Variants in TTC7B observed in about 807,000 individuals in gnomAD.
TTC7B encodes the protein tetratricopeptide repeat domain 7B.
A neutral mutation model predicts 106.8 loss-of-function variants in TTC7B; 28 were observed. The ratio of observed to expected loss-of-function variants is 0.26; its 90% CI spans 0.19 to 0.36. The LOEUF (loss-of-function observed/expected upper bound fraction) is 0.36, where lower values mean the gene tolerates loss of function less well. TTC7B is among the 10% of genes least tolerant of loss of function. The probability of loss-of-function intolerance (pLI) is 1.00; values close to 1 mark genes in which losing one functional copy is unlikely to be tolerated. For missense variants in TTC7B, 862 were observed against 1,076.4 expected (o/e 0.80, Z 2.79); for synonymous variants, 405 against 430.6 (o/e 0.94, Z 0.74).
In TTC7B at chr14:90,541,059, A is replaced by G; in HGVS notation, c.*309T>C. On this transcript the variant is annotated 3_prime_UTR_variant, in exon 20 of 20. Transcript: ENST00000328459. ...TTTAACTTTGAATATATTCTTCTAC[A>G]TTTGCTGATTAATTCCATAATCATT... 2.9e-6 allele frequency: 1 copy of G among 346,372 alleles called. No homozygotes were observed. 21.5% of individuals were successfully genotyped at this position (346,372 alleles called of 1,614,324 possible). A position where few individuals can be genotyped will look rare whatever the true frequency, so the allele number is the denominator to read the frequency against.
chr14:90,734,668 G>T (rs1172010783), intron 4 of TTC7B, among the ~76,000 whole-genome samples: 1 of 152,078 alleles, frequency 6.6e-6, no homozygotes, highest in Non-Finnish European at 1.5e-5. Flanking sequence ...TCCCACACTG[G>T]CCCAAGGCCT....
Position 90,816,155 on chromosome 14 carries a change from C to T in TTC7B, c.121+20G>A. On this transcript the variant is annotated intron_variant, in intron 1 of 19. Coordinates refer to ENST00000328459, the MANE Select transcript of TTC7B (RefSeq NM_001010854.2). ...GCCGCGGCGCCCCCCGCAGCCCAGG[C>T]CGGCGCGCCCGGAGCGTACCGTTGG... 2 of 1,201,160 alleles carry T rather than the reference C, an allele frequency of 1.7e-6. No individual in the cohort carries two copies. The allele number at this position is 1,201,160 out of a possible 1,614,324, so 74.4% of individuals were successfully genotyped here. A position where few individuals can be genotyped will look rare whatever the true frequency, so the allele number is the denominator to read the frequency against.
At position 90,805,096 on chromosome 14, in the gene TTC7B, A is replaced by G. The variant is rs2030527056; in HGVS notation, c.121+11079T>C. ...CACCAACAGTCTTCGGCGTGGGACC[A>G]GGTCTCGGGTGGACGCCCACAGCCA... On this transcript the variant is annotated intron_variant, in intron 1 of 19. Transcript: ENST00000328459. The surrounding 1 kb of genome is among the most constrained non-coding windows in gnomAD (Gnocchi z 4.0). Among the ~76,000 whole-genome samples the G allele has an allele frequency of 6.6e-6, 1 of 151,862 alleles. No individual in the cohort carries two copies. The highest frequency in any genetic ancestry group is 1.5e-5 in the Non-Finnish European group (1 of 67,938).
At chr14:90,753,354 G>A (rs1442415300) in intron 3 of TTC7B, among the ~76,000 whole-genome samples, 1 of 152,178 alleles carries the variant, frequency 6.6e-6, no homozygotes, top group Non-Finnish European at 1.5e-5. Flanking sequence ...CAGCCCCATG[G>A]TATAGCCTTC....
chr14:90,624,665 A>T lies in TTC7B; in HGVS notation c.1752-6620T>A, dbSNP rs944782634. On this transcript the variant is annotated intron_variant, in intron 15 of 19. Transcript: ENST00000328459. The surrounding 1 kb of genome is among the most constrained non-coding windows in gnomAD (Gnocchi z 4.0). ...AGTTAGAGAAGTTCAGAGAAATACT[A>T]AAGTAATAATTCCCTCCCATCTTCT... is the stretch of plus-strand genomic sequence containing the variant. Among the ~76,000 whole-genome samples, 2 of 152,240 alleles carry T rather than the reference A, an allele frequency of 1.3e-5. No homozygotes were observed. The highest frequency in any genetic ancestry group is 4.8e-5 in the African/African-American group (2 of 41,470).
At chr14:90,779,906 C>T (rs1265868587) in intron 3 of TTC7B, among the ~76,000 whole-genome samples, 1 of 152,196 alleles carries the variant, frequency 6.6e-6, no homozygotes, top group South Asian at 2.1e-4. Context: ...TAAGAGAGGA[C>T]TGATTGCTAG....
chr14:90,674,309 C>T (rs759236354), intron 9 of TTC7B, among the ~76,000 whole-genome samples: 6 of 152,374 alleles, frequency 3.9e-5, no homozygotes, highest in Non-Finnish European at 7.3e-5. Context: ...TCTTCAGTAA[C>T]TGAGCTATCC....
intron 5 of TTC7B, among the ~76,000 whole-genome samples, chr14:90,721,094 T>C (rs2139978797): frequency 6.6e-6 from 1 of 152,268 alleles, no homozygotes; most frequent in Non-Finnish European, 1.5e-5. Flanking sequence ...AGAGGCAGCA[T>C]ATCACCGGTA....
At chr14:90,557,892 C>A (rs776056280) in intron 19 of TTC7B, among the ~76,000 whole-genome samples, 20 of 152,180 alleles carry the variant, frequency 1.3e-4, no homozygotes, top group Non-Finnish European at 1.6e-4. Context: ...CTGGAAAGCT[C>A]AAAAATACCA....
chr14:90,701,550 C>A (rs922674471), intron 5 of TTC7B, among the ~76,000 whole-genome samples: 8 of 151,962 alleles, frequency 5.3e-5, no homozygotes, highest in African/African-American at 1.9e-4. Context: ...ACTCGCCTGC[C>A]CTTCACCTGT....
At chr14:90,696,465 C>T (rs549059490) in intron 5 of TTC7B, among the ~76,000 whole-genome samples, 1 of 152,246 alleles carries the variant, frequency 6.6e-6, no homozygotes, top group East Asian at 1.9e-4. Context: ...CAAAAAGCCA[C>T]AGTGTGGGTC....
intron 3 of TTC7B, among the ~76,000 whole-genome samples, chr14:90,768,962 A>G (rs772228162): frequency 1.3e-5 from 2 of 152,230 alleles, no homozygotes; most frequent in African/African-American, 2.4e-5. Flanking sequence ...TTAAGAGACA[A>G]TGCACTTAAA....
intron 15 of TTC7B, among the ~76,000 whole-genome samples, chr14:90,622,743 C>A (rs1884264035): frequency 6.6e-6 from 1 of 151,950 alleles, no homozygotes; most frequent in South Asian, 2.1e-4. Context: ...CACTTCCCCC[C>A]AAAAGAATTA....
At chr14:90,641,330 G>A (rs1010107525) in intron 15 of TTC7B, among the ~76,000 whole-genome samples, 6 of 152,178 alleles carry the variant, frequency 3.9e-5, no homozygotes, top group East Asian at 1.9e-4. Flanking sequence ...TGACCCTCAC[G>A]GAGGGAAGGT....
rs926110761 is a variant in TTC7B at position 90,807,611 on chromosome 14, G to T, written c.121+8564C>A. 6.6e-6 allele frequency among the ~76,000 whole-genome samples: 1 copy of T among 152,164 alleles called. No homozygotes were observed. The highest frequency in any genetic ancestry group is 2.4e-5 in the African/African-American group (1 of 41,428). The stretch of plus-strand genomic sequence containing the variant: ...TCTTCTGATGCCCCTCTGATACCTG[G>T]TGCTGTGCCCACACATAGTAGGTGC... On this transcript the variant is annotated intron_variant, in intron 1 of 19. Transcript: ENST00000328459. This position sits in a 1 kb window ranked among gnomAD's most constrained non-coding sequence, Gnocchi z 4.1.
At chr14:90,790,294 G>GA (rs537883565) in intron 1 of TTC7B, among the ~76,000 whole-genome samples, 6,340 of 137,932 alleles carry the variant, frequency 0.046, 175 homozygotes, top group Non-Finnish European at 0.063. Flanking sequence ...ATCACTTTTA[G>GA]AAAAAAAAAA....
At chr14:90,593,392 A>C in intron 18 of TTC7B, 94 bp downstream of exon 18, 1 of 1,462,842 alleles carries the variant, frequency 6.8e-7, no homozygotes, top group Non-Finnish European at 9.0e-7. Flanking sequence ...GGCTAAACAG[A>C]CAAGCGCCCA....
intron 3 of TTC7B, among the ~76,000 whole-genome samples, chr14:90,779,425 T>G (rs1449524952): frequency 6.6e-6 from 1 of 152,030 alleles, no homozygotes. Flanking sequence ...CTGCCTCAGC[T>G]TCCTGAGTAG....
At chr14:90,721,307 G>C (rs1189960042) in intron 5 of TTC7B, among the ~76,000 whole-genome samples, 1 of 152,172 alleles carries the variant, frequency 6.6e-6, no homozygotes, top group Non-Finnish European at 1.5e-5. Flanking sequence ...GCTAGCACTT[G>C]TGAAGTACAC....
Sources: allele counts gnomAD v4.1 joint callset (sites outside exome capture counted in the v4.1 genomes callset), GRCh38; gene constraint gnomAD v4.1.1; non-coding constraint Gnocchi (gnomAD v3.1); transcripts MANE v1.5; gene names NCBI Gene and HGNC (gene_info 2026-07-23, HGNC 2026-07-21).